The following CADM2 variants were observed in gnomAD, a reference collection of about 807,000 sequenced individuals.
CADM2 encodes cell adhesion molecule 2.
A neutral mutation model predicts 49.8 loss-of-function variants in CADM2; 12 were observed. The ratio of observed to expected loss-of-function variants is 0.24; its 90% CI spans 0.15 to 0.39. CADM2 has a LOEUF of 0.39. Among genes scored for constraint, CADM2 ranks in the 10% least tolerant of loss-of-function variants. The pLI is 1.00. For synonymous variants in CADM2, 214 were observed against 175.4 expected (o/e 1.22, Z -1.74); for missense variants, 378 against 492.3 (o/e 0.77, Z 2.20).
At chr3:85,404,139 T>C (rs1273958449) in intron 1 of CADM2, among the ~76,000 whole-genome samples, 1 of 152,158 alleles carries the variant, frequency 6.6e-6, no homozygotes, top group Non-Finnish European at 1.5e-5. Context: ...TTTATTTAGC[T>C]TATAAGCTTG....
In CADM2 at chr3:85,817,792, G is replaced by A. The variant is rs185912210; in HGVS notation, c.238+15596G>A. 3.9e-5 allele frequency among the ~76,000 whole-genome samples: 6 copies of A among 151,904 alleles called. No homozygotes were observed. In the East Asian group the frequency reaches 7.8e-4, roughly 20 times the overall value. On this transcript the variant is annotated intron_variant, in intron 3 of 9. Coordinates refer to ENST00000383699, the MANE Select transcript of CADM2 (RefSeq NM_001167675.2). Reference sequence around the variant, plus strand: ...TGCACCACTGCACTCCAGCGTCGGCGACAGAGCGAGACTTCCTCTCAAAAA... The same window carrying A: ...TGCACCACTGCACTCCAGCGTCGGCAACAGAGCGAGACTTCCTCTCAAAAA...
intron 1 of CADM2, among the ~76,000 whole-genome samples, chr3:84,985,626 T>A (rs558430258): frequency 2.0e-5 from 3 of 152,272 alleles, no homozygotes; most frequent in African/African-American, 7.2e-5. Context: ...TGATTACACA[T>A]ACCCCATTTA....
At chr3:85,922,105 C>A (rs1719192994) in intron 6 of CADM2, among the ~76,000 whole-genome samples, 1 of 151,394 alleles carries the variant, frequency 6.6e-6, no homozygotes, top group Non-Finnish European at 1.5e-5. Flanking sequence ...TCTTCCTCTT[C>A]CTTCTCCTCC....
chr3:85,980,157 T>C (rs964740800), intron 8 of CADM2, among the ~76,000 whole-genome samples: 1 of 151,592 alleles, frequency 6.6e-6, no homozygotes, highest in African/African-American at 2.4e-5. Context: ...TTATTTCTTA[T>C]ATATGTTTCA....
chr3:85,964,476 G>T (rs1230192277), intron 8 of CADM2, among the ~76,000 whole-genome samples: 1 of 151,556 alleles, frequency 6.6e-6, no homozygotes, highest in Non-Finnish European at 1.5e-5. Flanking sequence ...TTATTTAAGT[G>T]CACTATTAAG....
chr3:85,778,234 C>A lies in CADM2; in HGVS notation c.89-23813C>A, dbSNP rs186747362. Among the ~76,000 whole-genome samples the A allele has an allele frequency of 6.6e-5, 10 of 152,214 alleles. No homozygotes were observed. In the East Asian group the frequency reaches 1.9e-3, roughly 29 times the overall value. ...TTTACAAATGATGCCATTGTGTTTC[C>A]TGTTTCTCAGGAAGATAAAGAAGAA... On this transcript the variant is annotated intron_variant, in intron 2 of 9. Transcript: ENST00000383699.
chr3:85,990,164 C>T lies in CADM2; in HGVS notation c.970+28517C>T, dbSNP rs1201659450. On this transcript the variant is annotated intron_variant, in intron 8 of 9. Coordinates refer to ENST00000383699, the MANE Select transcript of CADM2 (RefSeq NM_001167675.2). ...GTTTCATTTAAGATTTTTTTGCCTT[C>T]ACGATGGCACAAAAGTGATACACGT... 4.0e-5 allele frequency among the ~76,000 whole-genome samples: 6 copies of T among 151,666 alleles called. No homozygotes were observed. In the East Asian group the frequency reaches 9.7e-4, roughly 25 times the overall value.
intron 1 of CADM2, among the ~76,000 whole-genome samples, chr3:85,349,020 A>G (rs1445160770): frequency 6.6e-6 from 1 of 152,178 alleles, no homozygotes; most frequent in African/African-American, 2.4e-5. Context: ...CCTTTCTCAT[A>G]ATCATAATTT....
chr3:85,107,248 A>G (rs1028775662), intron 1 of CADM2, among the ~76,000 whole-genome samples: 6 of 152,196 alleles, frequency 3.9e-5, no homozygotes, highest in African/African-American at 7.2e-5. Context: ...GTTTTGCAAA[A>G]AACGGGAACA....
chr3:85,164,851 G>A (rs966206495), intron 1 of CADM2, among the ~76,000 whole-genome samples: 2 of 151,854 alleles, frequency 1.3e-5, no homozygotes, highest in Admixed American at 6.6e-5. Context: ...GTGCTTTCAA[G>A]CTTGATAAGA....
intron 1 of CADM2, among the ~76,000 whole-genome samples, chr3:85,464,933 A>C (rs981013517): frequency 1.3e-5 from 2 of 152,118 alleles, no homozygotes; most frequent in African/African-American, 4.8e-5. Context: ...GTGGATCACA[A>C]GGTCAGCAGA....
intron 6 of CADM2, among the ~76,000 whole-genome samples, chr3:85,921,876 A>G (rs1719165607): frequency 6.6e-6 from 1 of 151,936 alleles, no homozygotes; most frequent in Non-Finnish European, 1.5e-5. Flanking sequence ...CAGTGATCCT[A>G]TTATTGACTA....
In CADM2 at chr3:85,628,955, C is replaced by T. The variant is rs1437460473; in HGVS notation, c.62-97567C>T. 1.9e-4 allele frequency among the ~76,000 whole-genome samples: 29 copies of T among 151,396 alleles called. No individual in the cohort carries two copies. In the Admixed American group the frequency reaches 1.9e-3, roughly 10 times the overall value. ...GTTCTAGTGTCTTAATGTAGCATGA[C>T]ATTACATTAACTATTATCAAAATAT... is the stretch of plus-strand genomic sequence containing the variant. On this transcript the variant is annotated intron_variant, in intron 1 of 9. Transcript: ENST00000383699.
At chr3:85,378,472 A>G (rs1387127796) in intron 1 of CADM2, among the ~76,000 whole-genome samples, 1 of 152,000 alleles carries the variant, frequency 6.6e-6, no homozygotes, top group Non-Finnish European at 1.5e-5. Context: ...TGCATCATTT[A>G]TGTGTTTAGT....
intron 1 of CADM2, among the ~76,000 whole-genome samples, chr3:85,651,803 A>C (rs2107583314): frequency 6.6e-6 from 1 of 150,702 alleles, no homozygotes; most frequent in African/African-American, 2.4e-5. Flanking sequence ...CTATCGACTA[A>C]ACTTAATTTT....
intron 1 of CADM2, among the ~76,000 whole-genome samples, chr3:85,528,012 C>T (rs1233383831): frequency 5.9e-5 from 9 of 152,156 alleles, no homozygotes; most frequent in Admixed American, 5.9e-4. Context: ...GACTGGATTT[C>T]TCAGTCTGAC....
chr3:85,691,124 ACTT>A (rs2066373694), intron 1 of CADM2, among the ~76,000 whole-genome samples: 1 of 151,926 alleles, frequency 6.6e-6, no homozygotes, highest in African/African-American at 2.4e-5. Flanking sequence ...TCTCTCCTCT[ACTT>A]CTTTGAAATC....
At chr3:86,021,832 G>A (rs1021711570) in intron 8 of CADM2, among the ~76,000 whole-genome samples, 1 of 152,130 alleles carries the variant, frequency 6.6e-6, no homozygotes, top group East Asian at 1.9e-4. Flanking sequence ...AGGGGATAGG[G>A]AAAGAAATGG....
At chr3:85,805,449 C>T (rs1271512349) in intron 3 of CADM2, 1 of 152,126 alleles carries the variant, frequency 6.6e-6, no homozygotes, top group Non-Finnish European at 1.5e-5. Flanking sequence ...GGCAATCTAA[C>T]ATACCTATTC....
Sources: gnomAD v4.1 joint callset for allele counts (sites outside exome capture counted in the v4.1 genomes callset) on GRCh38, gnomAD v4.1.1 for gene constraint, MANE v1.5 for transcripts, NCBI Gene and HGNC (gene_info 2026-07-23, HGNC 2026-07-21) for gene names.